Variants in GPLD1 observed in about 807,000 individuals in gnomAD.
GPLD1 encodes phosphatidylinositol-glycan-specific phospholipase D.
Under a neutral mutation model 112.6 loss-of-function variants are expected in GPLD1, and 84 were observed. The ratio of observed to expected loss-of-function variants is 0.75; its 90% confidence interval spans 0.63 to 0.89. The LOEUF is 0.89. GPLD1 is among the 40% of genes least tolerant of loss of function. GPLD1 has a pLI of 0.00. For missense variants in GPLD1, 1,044 were observed against 1,051.5 expected, an observed-to-expected ratio of 0.99 and a Z score of 0.10; for synonymous variants, 386 against 403.8, an observed-to-expected ratio of 0.96 and a Z score of 0.53.
intron 11 of GPLD1, among the ~76,000 whole-genome samples, chr6:24,462,517 G>A (rs74431801): frequency 0.078 from 11,906 of 152,158 alleles, 672 homozygotes; most frequent in South Asian, 0.11. Flanking sequence ...CATAATTCTG[G>A]GAGTGTTGAT....
At chr6:24,457,938 C>T (rs1763320167) in intron 12 of GPLD1, among the ~76,000 whole-genome samples, 1 of 151,856 alleles carries the variant, frequency 6.6e-6, no homozygotes, top group African/African-American at 2.4e-5. Context: ...TGCTGCCAGG[C>T]AGGCACGAGA....
At chr6:24,459,142 C>A (rs1468170338) in intron 12 of GPLD1, among the ~76,000 whole-genome samples, 2 of 152,200 alleles carry the variant, frequency 1.3e-5, no homozygotes, top group Non-Finnish European at 2.9e-5. Context: ...GAAATGTACT[C>A]TCACTGATGA....
At chr6:24,485,994 A>C in intron 2 of GPLD1, 81 bp downstream of exon 2, 1 of 849,756 alleles carries the variant, frequency 1.2e-6, no homozygotes, top group South Asian at 1.5e-5. Context: ...ATTACTGTTT[A>C]AATATCTGTT....
chr6:24,439,696 T>C (rs1481454479), intron 20 of GPLD1, among the ~76,000 whole-genome samples: 2 of 152,200 alleles, frequency 1.3e-5, no homozygotes, highest in African/African-American at 4.8e-5. Context: ...CTCAAGGTAA[T>C]GTTGTAGGCA....
At chr6:24,454,728 C>T (rs1386318833) in intron 13 of GPLD1, among the ~76,000 whole-genome samples, 3 of 152,220 alleles carry the variant, frequency 2.0e-5, no homozygotes, top group Admixed American at 6.5e-5. Context: ...ATTCCAAGAG[C>T]CACCAGTTAC....
chr6:24,459,051 C>T (rs1478020830), intron 12 of GPLD1, among the ~76,000 whole-genome samples: 1 of 152,130 alleles, frequency 6.6e-6, no homozygotes, highest in Non-Finnish European at 1.5e-5. Flanking sequence ...CTCATAGTAA[C>T]TCATATTCCT....
At chr6:24,477,748 C>A (rs945221228) in intron 3 of GPLD1, among the ~76,000 whole-genome samples, 1 of 113,366 alleles carries the variant, frequency 8.8e-6, no homozygotes, top group Non-Finnish European at 1.9e-5. Flanking sequence ...GTAAAAATAA[C>A]TTTAAAAAAA....
intron 7 of GPLD1, among the ~76,000 whole-genome samples, chr6:24,470,002 A>T (rs749511317): frequency 6.6e-6 from 1 of 152,188 alleles, no homozygotes; most frequent in Non-Finnish European, 1.5e-5. Context: ...GGACAGCAGA[A>T]ATTTTTCAAA....
At chr6:24,456,787 G>C (rs1763282655) in intron 12 of GPLD1, 150 bp from the exon 13 acceptor site, 1 of 534,060 alleles carries the variant, frequency 1.9e-6, no homozygotes, top group Non-Finnish European at 3.3e-6. Flanking sequence ...CTATCAGCAA[G>C]TAAGATCACT....
Position 24,480,673 on chromosome 6 carries a change from C to T in GPLD1, c.154-714G>A, listed in dbSNP as rs576307001. On this transcript the variant is annotated intron_variant, in intron 2 of 24. Coordinates refer to ENST00000230036, the MANE Select transcript of GPLD1 (RefSeq NM_001503.4). The stretch of plus-strand genomic sequence containing the variant: ...TTGGGAGGGCTAAAAAAAGTGCTTT[C>T]CCTTTTTAAATGATGTGAAAGTAGA... 2.0e-5 allele frequency among the ~76,000 whole-genome samples: 3 copies of T among 150,142 alleles called. No homozygotes were observed. In the East Asian group the frequency reaches 5.8e-4, roughly 29 times the overall value.
intron 24 of GPLD1, among the ~76,000 whole-genome samples, chr6:24,431,574 A>G (rs74595025): frequency 0.12 from 17,170 of 147,924 alleles, 1,286 homozygotes; most frequent in East Asian, 0.16. Flanking sequence ...TTGCTCCATC[A>G]CCCAGGCTGG....
intron 2 of GPLD1, among the ~76,000 whole-genome samples, chr6:24,483,696 A>G (rs1010348288): frequency 1.3e-5 from 2 of 151,826 alleles, no homozygotes; most frequent in African/African-American, 4.8e-5. Context: ...AAAGATATGG[A>G]CATGGTGAAG....
rs112686285 is a variant in GPLD1 at position 24,437,284 on chromosome 6, C to A, written c.2026G>T (p.Val676Leu). 1 of 1,613,148 alleles carries A rather than the reference C, an allele frequency of 6.2e-7. No homozygotes were observed. Among genetic ancestry groups the A allele is most frequent in the South Asian group, 1.1e-5 (1 of 91,062 alleles). ...LLVGAPTYDD[V>L]SKVAFLTVTL... The stretch of plus-strand genomic sequence containing the variant: ...ACGGTCAGGAATGCCACCTTAGACA[C>A]GTCATCTGAAACGAACCACAGTTCC... The change falls in exon 21 of 25, where the codon GTG (valine) becomes TTG (leucine). Residue 676 changes from valine (V) to leucine (L), a missense_variant. By Grantham distance (32) the Val-to-Leu change is conservative (BLOSUM62 1). Coordinates refer to ENST00000230036, the MANE Select transcript of GPLD1 (RefSeq NM_001503.4).
chr6:24,437,186 G>T lies in GPLD1; in HGVS notation c.2124C>A (p.Thr708=). The change falls in exon 21 of 25, where the codon ACC becomes ACA. Residue 708 remains threonine, a synonymous_variant. Coordinates refer to ENST00000230036, the MANE Select transcript of GPLD1 (RefSeq NM_001503.4). Reference sequence around the variant, plus strand: ...GGGAGAAGCGGCGGTCTCCGCTGAAGGTGCTGAGCAGCAGAGGCTGCGCGT... The same window carrying T: ...GGGAGAAGCGGCGGTCTCCGCTGAATGTGCTGAGCAGCAGAGGCTGCGCGT... The part of the protein sequence containing the change: ...TSDAQPLLLS[T]FSGDRRFSRF... The T allele has an allele frequency of 6.2e-7, 1 of 1,614,182 alleles. No homozygotes were observed. The highest frequency in any genetic ancestry group is 8.5e-7 in the Non-Finnish European group (1 of 1,179,982).
intron 6 of GPLD1, chr6:24,473,108 A>C (rs1446474889): frequency 6.8e-6 from 1 of 146,496 alleles, no homozygotes; most frequent in African/African-American, 2.5e-5. Flanking sequence ...TTAAGAAAAA[A>C]TTATCTTTTA....
chr6:24,455,533 G>C (rs1049167973), intron 13 of GPLD1, among the ~76,000 whole-genome samples: 1 of 152,052 alleles, frequency 6.6e-6, no homozygotes, highest in African/African-American at 2.4e-5. Context: ...TTGTTGTTTT[G>C]TTTTATTTTT....
At chr6:24,479,531 T>A (rs1255635889) in intron 3 of GPLD1, among the ~76,000 whole-genome samples, 1 of 152,214 alleles carries the variant, frequency 6.6e-6, no homozygotes, top group East Asian at 1.9e-4. Flanking sequence ...ATTCTGTGGA[T>A]AAGTGACTTT....
chr6:24,484,848 T>G (rs188925604), intron 2 of GPLD1, among the ~76,000 whole-genome samples: 5 of 152,346 alleles, frequency 3.3e-5, no homozygotes, highest in Non-Finnish European at 7.3e-5. Flanking sequence ...GTACAATAAA[T>G]TTCAGTTATC....
chr6:24,435,104 C>T lies in GPLD1; in HGVS notation c.2358+1472G>A, dbSNP rs1325959385. ...TCGACTCACTGCAAGCTCCGCCTCC[C>T]GGGTTCACGCCATTCTCCTGCCTCA... On this transcript the variant is annotated intron_variant, in intron 22 of 24. Coordinates refer to ENST00000230036, the MANE Select transcript of GPLD1 (RefSeq NM_001503.4). Among the ~76,000 whole-genome samples, 12 of 150,544 alleles carry T rather than the reference C, an allele frequency of 8.0e-5. No individual in the cohort carries two copies. In the East Asian group the frequency reaches 1.0e-3, roughly 13 times the overall value.
Sources: allele counts gnomAD v4.1 joint callset (sites outside exome capture counted in the v4.1 genomes callset), GRCh38; gene constraint gnomAD v4.1.1; transcripts MANE v1.5; gene names NCBI Gene and HGNC (gene_info 2026-07-23, HGNC 2026-07-21).